PTPRK: variants seen among roughly 807,000 people sequenced by gnomAD.
PTPRK encodes the protein receptor-type tyrosine-protein phosphatase kappa.
A neutral mutation model predicts 178.0 loss-of-function variants in PTPRK; 75 were observed. The ratio of observed to expected loss-of-function variants is 0.42; its 90% CI spans 0.35 to 0.51. PTPRK has a LOEUF of 0.51. Among genes scored for constraint, PTPRK ranks in the 20% least tolerant of loss-of-function variants. The pLI, the probability that PTPRK is intolerant of heterozygous loss-of-function variation, is 0.02. For synonymous variants in PTPRK, 637 were observed against 620.6 expected (o/e 1.03, Z -0.39); for missense variants, 1,441 against 1,797.8 (o/e 0.80, Z 3.59).
At chr6:127,995,310 T>A in intron 18 of PTPRK, 152 bp downstream of exon 18, 1 of 1,600,602 alleles carries the variant, frequency 6.2e-7, no homozygotes, top group South Asian at 1.1e-5. Context: ...AGCACAACAA[T>A]GTCAGTAAGT....
At chr6:128,209,968 A>G (rs1807787890) in intron 6 of PTPRK, among the ~76,000 whole-genome samples, 1 of 152,128 alleles carries the variant, frequency 6.6e-6, no homozygotes, top group Non-Finnish European at 1.5e-5. Context: ...AAGAACAGGA[A>G]GCTGCCAGTG....
chr6:128,440,784 A>C (rs1430326544), intron 1 of PTPRK, among the ~76,000 whole-genome samples: 2 of 152,086 alleles, frequency 1.3e-5, no homozygotes, highest in African/African-American at 4.8e-5. Context: ...TAACAGCTGG[A>C]GAGTATTCAA....
At chr6:128,172,807 A>G (rs1800492368) in intron 7 of PTPRK, among the ~76,000 whole-genome samples, 1 of 151,880 alleles carries the variant, frequency 6.6e-6, no homozygotes. Context: ...CATATATTCT[A>G]TATCTAGCAT....
rs535170906 is a variant in PTPRK, at chr6:128,267,193, T to A, written c.496-24591A>T. 3.3e-5 allele frequency among the ~76,000 whole-genome samples: 5 copies of A among 152,244 alleles called. No homozygotes were observed. The East Asian group carries it at 7.7e-4, about 24-fold the overall frequency. On this transcript the variant is annotated intron_variant, in intron 3 of 29. Transcript: ENST00000368226. Reference sequence around the variant, plus strand: ...AAAAAAGAATAAAGTCTGTGATTTATCTACCTGCCATAAATGCATCTTTAA... The same window carrying A: ...AAAAAAGAATAAAGTCTGTGATTTAACTACCTGCCATAAATGCATCTTTAA...
chr6:128,168,429 T>C (rs1397345749), intron 7 of PTPRK, among the ~76,000 whole-genome samples: 1 of 152,044 alleles, frequency 6.6e-6, no homozygotes, highest in East Asian at 1.9e-4. Flanking sequence ...GAGATATCTG[T>C]ACTCCCATGT....
chr6:128,406,687 C>G (rs185542727), intron 1 of PTPRK, among the ~76,000 whole-genome samples: 1 of 152,278 alleles, frequency 6.6e-6, no homozygotes, highest in Non-Finnish European at 1.5e-5. Context: ...AAAGACAGCA[C>G]TCTGGGTTTT....
intron 1 of PTPRK, among the ~76,000 whole-genome samples, chr6:128,435,094 AAGGAAGGAAGGAAGGC>A (rs1478129521): frequency 0.055 from 5,076 of 91,930 alleles, 229 homozygotes; most frequent in Non-Finnish European, 0.065. Context: ...GGAAGGAAGG[AAGGAAGGAAGGAAGGC>A]AGGAAGGCAG....
At position 128,159,176 on chromosome 6, in the gene PTPRK, C is replaced by CA. The variant is rs544108414; in HGVS notation, c.1162+25255dup. Among the ~76,000 whole-genome samples, 68 of 151,536 alleles carry CA rather than the reference C, an allele frequency of 4.5e-4. 1 individual carries two copies. The East Asian group carries it at 0.012, about 27-fold the overall frequency. On this transcript the variant is annotated intron_variant, in intron 7 of 29. Transcript: ENST00000368226. ...AACAACAACAACAAAAAACTTCATG[C>CA]AAAAAAGAACTGGAACCATTACAGA...
chr6:128,492,182 T>C (rs1340622733), intron 1 of PTPRK, among the ~76,000 whole-genome samples: 3 of 152,168 alleles, frequency 2.0e-5, no homozygotes, highest in African/African-American at 7.2e-5. Flanking sequence ...ACCGTACTTC[T>C]GGGCCCTTCA....
chr6:128,153,328 A>C (rs1381241345), intron 7 of PTPRK, among the ~76,000 whole-genome samples: 1 of 151,988 alleles, frequency 6.6e-6, no homozygotes, highest in Non-Finnish European at 1.5e-5. Context: ...AGTAAGGTAT[A>C]GCACAATGTG....
At chr6:128,220,569 T>C (rs1377427541) in intron 5 of PTPRK, among the ~76,000 whole-genome samples, 1 of 152,024 alleles carries the variant, frequency 6.6e-6, no homozygotes, top group African/African-American at 2.4e-5. Flanking sequence ...ACTGCTAGAG[T>C]GACTTTAGAA....
chr6:128,056,049 C>T (rs1315972080), intron 13 of PTPRK, among the ~76,000 whole-genome samples: 3 of 145,868 alleles, frequency 2.1e-5, no homozygotes, highest in African/African-American at 7.7e-5. Context: ...GCAATGTGGC[C>T]TTTCTTTTCC....
intron 2 of PTPRK, among the ~76,000 whole-genome samples, chr6:128,330,649 G>A (rs1401377771): frequency 2.0e-5 from 3 of 152,074 alleles, no homozygotes; most frequent in Non-Finnish European, 4.4e-5. Flanking sequence ...CACACTAGCA[G>A]CCCTACAATC....
intron 13 of PTPRK, chr6:128,062,567 A>G (rs1781035877): frequency 6.0e-6 from 1 of 167,200 alleles, no homozygotes. Context: ...TTCATTCATA[A>G]CTGTCTAACA....
rs1225823464 is a variant in PTPRK at position 128,366,315 on chromosome 6, A to T, written c.223+31251T>A. Among the ~76,000 whole-genome samples the T allele has an allele frequency of 5.9e-5, 9 of 152,298 alleles. No individual in the cohort carries two copies. In the East Asian group the frequency reaches 1.5e-3, roughly 26 times the overall value. On this transcript the variant is annotated intron_variant, in intron 2 of 29. Transcript: ENST00000368226. ...TCAAGAAAGTTTCAACTAATACAAC[A>T]GATGTAATTAAAACCTTTAAACTCT...
intron 1 of PTPRK, among the ~76,000 whole-genome samples, chr6:128,425,609 C>A (rs1844038876): frequency 6.6e-6 from 1 of 152,166 alleles, no homozygotes; most frequent in African/African-American, 2.4e-5. Flanking sequence ...ACAACTATCC[C>A]AGGTTAGACC....
chr6:128,145,254 GCACA>G (rs762071475), intron 7 of PTPRK, among the ~76,000 whole-genome samples: 11 of 151,350 alleles, frequency 7.3e-5, no homozygotes, highest in Non-Finnish European at 1.5e-4. Flanking sequence ...CCTATCACAC[GCACA>G]CACACACAGA....
intron 4 of PTPRK, among the ~76,000 whole-genome samples, chr6:128,241,768 TTTTG>T (rs1165784063): frequency 1.3e-5 from 2 of 151,024 alleles, no homozygotes; most frequent in Non-Finnish European, 2.9e-5. Flanking sequence ...GAGTTTCTTG[TTTTG>T]TTTGCTTTCT....
At chr6:128,153,568 T>A (rs1797572405) in intron 7 of PTPRK, among the ~76,000 whole-genome samples, 1 of 151,940 alleles carries the variant, frequency 6.6e-6, no homozygotes, top group African/African-American at 2.4e-5. Flanking sequence ...CAAACTACAA[T>A]TAGCATTATA....
Sources: gnomAD v4.1 joint callset for allele counts (sites outside exome capture counted in the v4.1 genomes callset) on GRCh38, gnomAD v4.1.1 for gene constraint, MANE v1.5 for transcripts, NCBI Gene and HGNC (gene_info 2026-07-23, HGNC 2026-07-21) for gene names.